ZNF827: variants seen among roughly 807,000 people sequenced by gnomAD.
The protein encoded by ZNF827 is zinc finger protein 827.
Under a neutral mutation model 102.4 loss-of-function variants are expected in ZNF827, and 13 were observed. The ratio of observed to expected loss-of-function variants is 0.13; its 90% CI spans 0.08 to 0.20. ZNF827 has a LOEUF of 0.20. ZNF827 is among the 10% of genes least tolerant of loss of function. ZNF827 has a pLI of 1.00. For missense variants in ZNF827, 1,103 were observed against 1,344.4 expected (o/e 0.82, Z 2.81); for synonymous variants, 523 against 536.2 (o/e 0.98, Z 0.34).
intron 5 of ZNF827, among the ~76,000 whole-genome samples, chr4:145,857,299 T>G (rs1747242632): frequency 6.6e-6 from 1 of 152,212 alleles, no homozygotes; most frequent in South Asian, 2.1e-4. Context: ...AACAAACATG[T>G]CTTAAAAATG....
chr4:145,911,583 A>G (rs1036657160), intron 1 of ZNF827, among the ~76,000 whole-genome samples: 2 of 152,240 alleles, frequency 1.3e-5, no homozygotes, highest in African/African-American at 4.8e-5. Context: ...TCTGTACGAT[A>G]TCAAAAACTA....
intron 7 of ZNF827, among the ~76,000 whole-genome samples, chr4:145,826,580 A>G (rs894792796): frequency 6.6e-6 from 1 of 152,226 alleles, no homozygotes; most frequent in Non-Finnish European, 1.5e-5. Flanking sequence ...AATAAGAATA[A>G]TGTTACACAG....
chr4:145,848,943 G>T (rs1746249549), intron 6 of ZNF827, among the ~76,000 whole-genome samples: 9 of 152,078 alleles, frequency 5.9e-5, no homozygotes, highest in African/African-American at 1.9e-4. Context: ...GGAAGTCATA[G>T]TAATTCAGTC....
intron 3 of ZNF827, among the ~76,000 whole-genome samples, chr4:145,887,004 C>A (rs1750172067): frequency 6.6e-6 from 1 of 152,394 alleles, no homozygotes; most frequent in Non-Finnish European, 1.5e-5. Context: ...AGGCTTTGAG[C>A]TGGCAGGTGC....
intron 4 of ZNF827, among the ~76,000 whole-genome samples, chr4:145,883,875 G>A (rs560920242): frequency 6.6e-6 from 1 of 152,246 alleles, no homozygotes; most frequent in South Asian, 2.1e-4. Flanking sequence ...TGGCAGGGAA[G>A]ACAATCAAGG....
chr4:145,845,964 G>C lies in ZNF827; in HGVS notation c.2271C>G (p.Thr757=), dbSNP rs772753702. Residue 757 remains threonine (T), a synonymous_variant, in exon 7 of 15, where the codon ACC becomes ACG. Coordinates refer to ENST00000508784, the MANE Select transcript of ZNF827 (RefSeq NM_001306215.2). ...CACACAAAGTCGCCTACCTGGTCGTGGTCCGGATGGTGTTTTCTTTTGTAT... is the reference window on the plus strand; with the variant it reads ...CACACAAAGTCGCCTACCTGGTCGTCGTCCGGATGGTGTTTTCTTTTGTAT... The part of the protein sequence containing the change: ...HNHTKENTIR[T]TTSPFFSEDT... 6.2e-7 allele frequency: 1 copy of C among 1,614,124 alleles called. No individual in the cohort carries two copies. The highest frequency in any genetic ancestry group is 8.5e-7 in the Non-Finnish European group (1 of 1,180,018).
At chr4:145,838,394 C>A (rs1745089710) in intron 7 of ZNF827, among the ~76,000 whole-genome samples, 1 of 152,190 alleles carries the variant, frequency 6.6e-6, no homozygotes, top group South Asian at 2.1e-4. Flanking sequence ...ACCCTTAACT[C>A]CCTTCGCTGA....
intron 11 of ZNF827, among the ~76,000 whole-genome samples, chr4:145,770,599 TATA>T (rs1348089131): frequency 1.1e-4 from 16 of 151,864 alleles, no homozygotes; most frequent in South Asian, 2.1e-4. Context: ...CATAATAAAA[TATA>T]ATAATAATGA....
chr4:145,781,565 G>A (rs1040447621), intron 8 of ZNF827, among the ~76,000 whole-genome samples: 2 of 152,146 alleles, frequency 1.3e-5, no homozygotes, highest in Non-Finnish European at 1.5e-5. Context: ...TCAGGAAGAA[G>A]GGTTGCTCTT....
chr4:145,880,184 G>A (rs570753613), intron 4 of ZNF827, among the ~76,000 whole-genome samples: 9 of 152,170 alleles, frequency 5.9e-5, no homozygotes, highest in Non-Finnish European at 1.2e-4. Context: ...TCAGTGAGCC[G>A]AGATCGCATC....
intron 11 of ZNF827, among the ~76,000 whole-genome samples, chr4:145,769,823 C>T (rs531719277): frequency 6.6e-6 from 1 of 152,268 alleles, no homozygotes; most frequent in South Asian, 2.1e-4. Context: ...AAAAACAAAA[C>T]AAAACCCCTA....
At chr4:145,913,463 G>A (rs1280485997) in intron 1 of ZNF827, among the ~76,000 whole-genome samples, 2 of 147,580 alleles carry the variant, frequency 1.4e-5, no homozygotes, top group Non-Finnish European at 3.0e-5. Context: ...TACCAAAAGA[G>A]GCCTTCCCTT....
chr4:145,932,384 A>C (rs1030938482), intron 1 of ZNF827, among the ~76,000 whole-genome samples: 4 of 152,210 alleles, frequency 2.6e-5, no homozygotes, highest in African/African-American at 9.7e-5. Flanking sequence ...GGATTACTTA[A>C]GTAAACTAGT....
intron 1 of ZNF827, among the ~76,000 whole-genome samples, chr4:145,935,731 A>G (rs1335191816): frequency 2.0e-5 from 3 of 152,144 alleles, no homozygotes; most frequent in Non-Finnish European, 4.4e-5. Context: ...CTCTGAAAAT[A>G]TAACTTCATC....
intron 8 of ZNF827, among the ~76,000 whole-genome samples, chr4:145,808,132 G>T (rs1161222982): frequency 6.8e-6 from 1 of 147,122 alleles, no homozygotes; most frequent in African/African-American, 2.6e-5. Flanking sequence ...TAGAAAATTA[G>T]TGAGCAAAAA....
At chr4:145,899,801 C>A (rs1476353558) in intron 2 of ZNF827, among the ~76,000 whole-genome samples, 1 of 152,104 alleles carries the variant, frequency 6.6e-6, no homozygotes. Flanking sequence ...GGTGGGGAGG[C>A]CTTAGGTACA....
chr4:145,930,020 G>A (rs947228630), intron 1 of ZNF827, among the ~76,000 whole-genome samples: 2 of 152,142 alleles, frequency 1.3e-5, no homozygotes, highest in African/African-American at 2.4e-5. Flanking sequence ...GCTGCCCTAC[G>A]AACTTTGAAA....
intron 4 of ZNF827, 163 bp from the exon 5 acceptor site, chr4:145,870,641 T>TA (rs918619841): frequency 6.1e-5 from 37 of 605,406 alleles, no homozygotes; most frequent in Non-Finnish European, 1.0e-4. Context: ...AACCACACAA[T>TA]ACACTCCATG....
intron 1 of ZNF827, among the ~76,000 whole-genome samples, chr4:145,929,986 G>A (rs189218929): frequency 9.9e-5 from 15 of 152,272 alleles, no homozygotes; most frequent in South Asian, 2.1e-4. Context: ...GAACAGCCTG[G>A]CCCCAGAGTT....
Sources: allele counts gnomAD v4.1 joint callset (sites outside exome capture counted in the v4.1 genomes callset), GRCh38; gene constraint gnomAD v4.1.1; transcripts MANE v1.5; gene names NCBI Gene and HGNC (gene_info 2026-07-23, HGNC 2026-07-21).